TKFC: variants seen among roughly 807,000 people sequenced by gnomAD.
TKFC encodes triokinase and FMN cyclase.
TKFC carries 46 observed loss-of-function variants against 61.0 expected under a neutral mutation model. The ratio of observed to expected loss-of-function variants is 0.75; its 90% CI spans 0.60 to 0.96. The LOEUF is 0.96. Among genes scored for constraint, TKFC ranks in the 50% least tolerant of loss-of-function variants. TKFC has a pLI of 0.00. For synonymous variants in TKFC, 314 were observed against 330.1 expected (o/e 0.95, Z 0.53); for missense variants, 715 against 777.5 (o/e 0.92, Z 0.96).
Position 61,346,087 on chromosome 11 carries a change from A to C in TKFC, c.1575+141A>C. On this transcript the variant is annotated intron_variant, in intron 17 of 17. Transcript: ENST00000394900. The surrounding 1 kb of genome is among the most constrained non-coding windows in gnomAD (Gnocchi z 4.1). The stretch of plus-strand genomic sequence containing the variant: ...TACAATGGAGATGAGCACCTATCTC[A>C]GAAGGTGGTTATGTGGCTAAGGAAA... 8.8e-7 allele frequency: 1 copy of C among 1,130,454 alleles called. No homozygotes were observed. The highest frequency in any genetic ancestry group is 1.2e-6 in the Non-Finnish European group (1 of 810,002). The allele number at this position is 1,130,454 out of a possible 1,614,324, so 70.0% of individuals were successfully genotyped here.
chr11:61,341,932 T>C lies in TKFC; in HGVS notation c.655+20T>C. 6.2e-7 allele frequency: 1 copy of C among 1,604,974 alleles called. No individual in the cohort carries two copies. Among genetic ancestry groups the C allele is most frequent in the South Asian group, 1.1e-5 (1 of 89,636 alleles). On this transcript the variant is annotated intron_variant, in intron 7 of 17. Coordinates refer to ENST00000394900, the MANE Select transcript of TKFC (RefSeq NM_015533.4). Reference sequence around the variant, plus strand: ...GCCTGGGTAAGCTTGTGGCCATCCATCCCAGCCCTGCCTGCTCCTTGGCCC... The same window carrying C: ...GCCTGGGTAAGCTTGTGGCCATCCACCCCAGCCCTGCCTGCTCCTTGGCCC...
rs1228900093 is a variant in TKFC at position 61,346,197 on chromosome 11, T to C, written c.1576-154T>C. The C allele has an allele frequency of 9.3e-6, 14 of 1,508,028 alleles. No homozygotes were observed. Among genetic ancestry groups the C allele is most frequent in the Admixed American group, 2.1e-5 (1 of 47,650 alleles). The allele number at this position is 1,508,028 out of a possible 1,614,324, so 93.4% of individuals were successfully genotyped here. A position where few individuals can be genotyped will look rare whatever the true frequency, so the allele number is the denominator to read the frequency against. On this transcript the variant is annotated intron_variant, in intron 17 of 17. Coordinates refer to ENST00000394900, the MANE Select transcript of TKFC (RefSeq NM_015533.4). This position sits in a 1 kb window ranked among gnomAD's most constrained non-coding sequence, Gnocchi z 4.1. ...TTCCCTGCTGGAAGTAGATGAGAAG[T>C]GACTTTCCATTTGGTGACAGAGCAG...
chr11:61,344,363 T>A, intron 13 of TKFC, 90 bp downstream of exon 13: 19 of 929,154 alleles, frequency 2.0e-5, no homozygotes, highest in Non-Finnish European at 2.7e-5. Context: ...ACCTTCCTTT[T>A]TTTTTTTTTT....
rs1444654899 is a variant in TKFC, at chr11:61,348,338, T to G, written c.*1835T>G. On this transcript the variant is annotated 3_prime_UTR_variant, in exon 18 of 18. Coordinates refer to ENST00000394900, the MANE Select transcript of TKFC (RefSeq NM_015533.4). ...GCTGCATGTGAATCCACACATGCCA[T>G]TCCATGAAGACAGAGGATCATGTGG... 1.1e-6 allele frequency: 1 copy of G among 875,136 alleles called. No homozygotes were observed. Among genetic ancestry groups the G allele is most frequent in the African/African-American group, 2.0e-5 (1 of 49,834 alleles). The allele number at this position is 875,136 out of a possible 1,614,324, so 54.2% of individuals were successfully genotyped here.
Position 61,348,121 on chromosome 11 carries a change from G to A in TKFC, c.*1618G>A, listed in dbSNP as rs75519966. On this transcript the variant is annotated 3_prime_UTR_variant, in exon 18 of 18. Transcript: ENST00000394900. ...GGCATCCACGTGCACAGGAGTATGCGCCCAGCAGCTGGGAAGGAGGCTGAC... is the reference window on the plus strand; with the variant it reads ...GGCATCCACGTGCACAGGAGTATGCACCCAGCAGCTGGGAAGGAGGCTGAC... 2.0e-5 allele frequency: 20 copies of A among 985,440 alleles called. No homozygotes were observed. Among genetic ancestry groups the A allele is most frequent in the East Asian group, 1.1e-4 (1 of 8,812 alleles). The allele number at this position is 985,440 out of a possible 1,614,324, so 61.0% of individuals were successfully genotyped here. A position where few individuals can be genotyped will look rare whatever the true frequency, so the allele number is the denominator to read the frequency against.
chr11:61,334,850 A>G, intron 2 of TKFC, 119 bp downstream of exon 2: 1 of 1,429,830 alleles, frequency 7.0e-7, no homozygotes, highest in Non-Finnish European at 9.7e-7. Flanking sequence ...CCTGAGGCTC[A>G]CGGGTGAAGA....
At chr11:61,345,394 CAGGG>C in intron 14 of TKFC, 28 bp downstream of exon 14, 1 of 1,597,836 alleles carries the variant, frequency 6.3e-7, no homozygotes, top group Non-Finnish European at 8.6e-7. Context: ...GAAGGGCTGA[CAGGG>C]AGGTGGCTGG....
chr11:61,344,282 C>A lies in TKFC; in HGVS notation c.1240+9C>A, dbSNP rs1163777008. ...CAGCCGTGCGGCCAGAGGTTGGTGC[C>A]AGGGACTTTGCCAAGTGAGGTCATT... On this transcript the variant is annotated intron_variant, in intron 13 of 17. Transcript: ENST00000394900. 1 of 1,609,822 alleles carries A rather than the reference C, an allele frequency of 6.2e-7. No individual in the cohort carries two copies. Among genetic ancestry groups the A allele is most frequent in the Non-Finnish European group, 8.5e-7 (1 of 1,178,028 alleles).
chr11:61,347,534 G>T lies in TKFC; in HGVS notation c.*1031G>T. On this transcript the variant is annotated 3_prime_UTR_variant, in exon 18 of 18. Coordinates refer to ENST00000394900, the MANE Select transcript of TKFC (RefSeq NM_015533.4). ...AGCCTGGGCAACAAAGCGAGACCCT[G>T]TCTCAAAAAAAAAAAAAAAAAAAAA... The T allele has an allele frequency of 1.1e-6, 1 of 884,300 alleles. No individual in the cohort carries two copies. The highest frequency in any genetic ancestry group is 1.3e-6 in the Non-Finnish European group (1 of 779,190). The allele number at this position is 884,300 out of a possible 1,614,324, so 54.8% of individuals were successfully genotyped here.
intron 2 of TKFC, 40 bp downstream of exon 2, chr11:61,334,771 C>T (rs776614226): frequency 1.1e-5 from 17 of 1,613,768 alleles, no homozygotes; most frequent in Middle Eastern, 1.6e-4. Context: ...GCAGCATGGT[C>T]TCAAAGCAGG....
rs147407889 is a variant in TKFC, at chr11:61,342,653, A to C, written c.770A>C (p.Gln257Pro). The C allele has an allele frequency of 3.7e-5, 59 of 1,614,078 alleles. No homozygotes were observed. The African/African-American group carries it at 7.6e-4, about 21-fold the overall frequency. The change falls in exon 9 of 18, where the codon CAG becomes CCG. Residue 257 changes from glutamine (Q) to proline (P), a missense_variant. Physicochemically the swap from Gln to Pro is moderately conservative, Grantham distance 76. Coordinates refer to ENST00000394900, the MANE Select transcript of TKFC (RefSeq NM_015533.4). Reference protein sequence around the residue: ...NTTNASHVPVQPGSSVVMMVN... With the variant: ...NTTNASHVPVPPGSSVVMMVN... ...ACCAACGCGTCCCATGTGCCTGTGCAGCCCGGTGGGTAGCCTCTCGCCCGC... is the reference window on the plus strand; with the variant it reads ...ACCAACGCGTCCCATGTGCCTGTGCCGCCCGGTGGGTAGCCTCTCGCCCGC...
chr11:61,339,464 G>A (rs1415007411), intron 5 of TKFC, 29 bp downstream of exon 5: 1 of 1,576,760 alleles, frequency 6.3e-7, no homozygotes, highest in Admixed American at 1.8e-5. Context: ...CGTGGAGACT[G>A]GCCAGCCCTT....
chr11:61,338,029 T>G lies in TKFC; in HGVS notation c.92T>G (p.Leu31Arg). ...GCCTGCAACCCCAACCTGCAGCTCCTGCAGGGCCACCGCGTGGCCCTCCGT... is the reference window on the plus strand; with the variant it reads ...GCCTGCAACCCCAACCTGCAGCTCCGGCAGGGCCACCGCGTGGCCCTCCGT... The part of the protein sequence containing the change: ...LVACNPNLQL[L>R]QGHRVALRSD... The change falls in exon 3 of 18, where the codon CTG becomes CGG. Residue 31 changes from leucine (L) to arginine (R), a missense_variant. Leu to Arg is a moderately radical substitution (Grantham distance 102). Coordinates refer to ENST00000394900, the MANE Select transcript of TKFC (RefSeq NM_015533.4). 1 of 1,613,684 alleles carries G rather than the reference T, an allele frequency of 6.2e-7. No individual in the cohort carries two copies. The highest frequency in any genetic ancestry group is 8.5e-7 in the Non-Finnish European group (1 of 1,179,918).
intron 5 of TKFC, 40 bp from the exon 6 acceptor site, chr11:61,341,396 T>C: frequency 6.5e-7 from 1 of 1,548,614 alleles, no homozygotes; most frequent in Non-Finnish European, 8.7e-7. Context: ...GGTACAGTGA[T>C]ACCCTCCCCC....
intron 5 of TKFC, among the ~76,000 whole-genome samples, chr11:61,340,919 C>T (rs1856824647): frequency 6.6e-6 from 1 of 152,176 alleles, no homozygotes; most frequent in Admixed American, 6.5e-5. Flanking sequence ...GTAATTACCA[C>T]CTCACATAAA....
At chr11:61,350,445 A>C, downstream of TKFC, 1 of 1,610,666 alleles carries the variant, frequency 6.2e-7, no homozygotes, top group South Asian at 1.1e-5. Context: ...GCAGATGCCC[A>C]GGAGTTAATG....
chr11:61,334,753 C>A, intron 2 of TKFC, 22 bp downstream of exon 2: 1 of 1,614,016 alleles, frequency 6.2e-7, no homozygotes, highest in Non-Finnish European at 8.5e-7. Context: ...AGGGCCGGGA[C>A]GGGAATGGCA....
rs546103224 is a variant in TKFC at position 61,342,750 on chromosome 11, C to T, written c.776-5C>T. 1.7e-5 allele frequency: 27 copies of T among 1,614,018 alleles called. No homozygotes were observed. The highest frequency in any genetic ancestry group is 1.2e-4 in the Admixed American group (7 of 60,022). ...TCTCACCTGGGGTGTCATGTCTACCCGCAGGCTCCTCAGTTGTGATGATGG... is the reference window on the plus strand; with the variant it reads ...TCTCACCTGGGGTGTCATGTCTACCTGCAGGCTCCTCAGTTGTGATGATGG... On this transcript the variant is annotated splice_region_variant and splice_polypyrimidine_tract_variant and intron_variant, in intron 9 of 17. Coordinates refer to ENST00000394900, the MANE Select transcript of TKFC (RefSeq NM_015533.4).
chr11:61,350,013 G>A (rs527560165), downstream of TKFC: 919 of 473,566 alleles, frequency 1.9e-3, 3 homozygotes, highest in Non-Finnish European at 1.8e-3. Context: ...CAGCAAGAGC[G>A]GCCAGAGCGA....
Sources: gnomAD v4.1 joint callset for allele counts (sites outside exome capture counted in the v4.1 genomes callset) on GRCh38, gnomAD v4.1.1 for gene constraint, Gnocchi (gnomAD v3.1) non-coding constraint, MANE v1.5 for transcripts, NCBI Gene and HGNC (gene_info 2026-07-23, HGNC 2026-07-21) for gene names.